The following IQCK variants were observed in gnomAD, a reference collection of about 807,000 sequenced individuals.
IQCK encodes IQ domain-containing protein K.
IQCK carries 29 observed loss-of-function variants against 28.1 expected under a neutral mutation model. The ratio of observed to expected loss-of-function variants is 1.03; its 90% CI spans 0.77 to 1.41. The LOEUF is 1.41. IQCK is among the 40% of genes most tolerant of loss of function. IQCK has a pLI of 0.00. For synonymous variants in IQCK, 113 were observed against 115.1 expected (o/e 0.98, Z 0.12); for missense variants, 359 against 314.7 (o/e 1.14, Z -1.07).
intron 7 of IQCK, among the ~76,000 whole-genome samples, chr16:19,801,865 ATAGT>A (rs969220925): frequency 6.2e-5 from 9 of 145,984 alleles, no homozygotes; most frequent in Admixed American, 5.3e-4. Context: ...TCTGGCCTAC[ATAGT>A]TAGATAGAAA....
At chr16:19,814,245 A>C (rs1454608905) in intron 7 of IQCK, among the ~76,000 whole-genome samples, 1 of 149,642 alleles carries the variant, frequency 6.7e-6, no homozygotes, top group Non-Finnish European at 1.5e-5. Flanking sequence ...AAAAAAAAAA[A>C]ACCACAAAAA....
At chr16:19,779,063 G>C (rs1009505528) in intron 6 of IQCK, among the ~76,000 whole-genome samples, 1 of 152,076 alleles carries the variant, frequency 6.6e-6, no homozygotes, top group Admixed American at 6.5e-5. Flanking sequence ...GCTCACTGCA[G>C]CCTCGAACTC....
intron 7 of IQCK, among the ~76,000 whole-genome samples, chr16:19,822,647 T>C (rs905485119): frequency 2.0e-5 from 3 of 152,046 alleles, no homozygotes; most frequent in African/African-American, 7.2e-5. Flanking sequence ...AGAGAGGCTA[T>C]GGAGACTACA....
chr16:19,805,673 C>G (rs1204460781), intron 7 of IQCK, among the ~76,000 whole-genome samples: 1 of 152,198 alleles, frequency 6.6e-6, no homozygotes, highest in Non-Finnish European at 1.5e-5. Context: ...TATACATTTA[C>G]ATCTTATAAC....
chr16:19,823,381 G>C (rs2056101689), intron 7 of IQCK, among the ~76,000 whole-genome samples: 1 of 152,090 alleles, frequency 6.6e-6, no homozygotes, highest in South Asian at 2.1e-4. Context: ...AGGCCTAGCA[G>C]GTTTCTATTT....
At chr16:19,727,491 G>T (rs1315613793) in intron 1 of IQCK, among the ~76,000 whole-genome samples, 1 of 151,780 alleles carries the variant, frequency 6.6e-6, no homozygotes, top group African/African-American at 2.4e-5. Flanking sequence ...GGAGGCTGAG[G>T]CAGGAGAATT....
At position 19,756,512 on chromosome 16, in the gene IQCK, T is replaced by A. The variant is rs547881667; in HGVS notation, c.475-7336T>A. ...TATGTTAATCTCATCTCCAGTGTGA[T>A]GATATTAGATGGTAGAGCCTTTGGG... On this transcript the variant is annotated intron_variant, in intron 4 of 7. Transcript: ENST00000564186. 1.4e-4 allele frequency among the ~76,000 whole-genome samples: 21 copies of A among 152,294 alleles called. No individual in the cohort carries two copies. The South Asian group carries it at 4.3e-3, about 32-fold the overall frequency.
intron 7 of IQCK, among the ~76,000 whole-genome samples, chr16:19,823,128 G>T (rs2056098689): frequency 6.6e-6 from 1 of 152,044 alleles, no homozygotes; most frequent in South Asian, 2.1e-4. Context: ...TTGAAACTTG[G>T]GAGCCCAGGC....
chr16:19,776,950 C>A (rs142767224), intron 6 of IQCK, among the ~76,000 whole-genome samples: 13 of 152,284 alleles, frequency 8.5e-5, no homozygotes, highest in African/African-American at 3.1e-4. Context: ...GTTTAAATTT[C>A]TATTTTGGCC....
In IQCK at chr16:19,807,554, T is replaced by G. The variant is rs554833075; in HGVS notation, c.690+18632T>G. ...TGGCATCTGGTTGGCATGCAGAATC[T>G]CAGGCCCCATCCAGACCTCCTGAAT... On this transcript the variant is annotated intron_variant, in intron 7 of 7. Transcript: ENST00000564186. 3.3e-5 allele frequency among the ~76,000 whole-genome samples: 5 copies of G among 152,314 alleles called. No homozygotes were observed. The East Asian group carries it at 7.7e-4, about 24-fold the overall frequency.
intron 6 of IQCK, among the ~76,000 whole-genome samples, chr16:19,784,970 T>C (rs891343723): frequency 6.6e-6 from 1 of 152,172 alleles, no homozygotes; most frequent in Non-Finnish European, 1.5e-5. Flanking sequence ...GGTTTCACCA[T>C]GTTGGCCAGG....
intron 6 of IQCK, among the ~76,000 whole-genome samples, chr16:19,779,357 T>C (rs1473369562): frequency 6.6e-6 from 1 of 151,748 alleles, no homozygotes; most frequent in African/African-American, 2.4e-5. Context: ...GAGAGAGGAG[T>C]CAAGAATGCA....
At chr16:19,836,324 A>G (rs1377728146) in intron 9 of IQCK, among the ~76,000 whole-genome samples, 1 of 152,170 alleles carries the variant, frequency 6.6e-6, no homozygotes, top group Non-Finnish European at 1.5e-5. Flanking sequence ...TATTTTTAGG[A>G]CTCACCAGTG....
At chr16:19,724,307 A>G (rs751144558) in intron 1 of IQCK, among the ~76,000 whole-genome samples, 3 of 152,100 alleles carry the variant, frequency 2.0e-5, no homozygotes, top group Non-Finnish European at 4.4e-5. Context: ...CTCTACAGCA[A>G]TACTTTCACT....
At chr16:19,777,974 A>G (rs1165677300) in intron 6 of IQCK, among the ~76,000 whole-genome samples, 2 of 151,984 alleles carry the variant, frequency 1.3e-5, no homozygotes, top group Non-Finnish European at 2.9e-5. Flanking sequence ...AATTGCTTCA[A>G]CCCGGGAGGC....
intron 6 of IQCK, among the ~76,000 whole-genome samples, chr16:19,766,278 G>C (rs552949632): frequency 6.6e-6 from 1 of 152,356 alleles, no homozygotes; most frequent in South Asian, 2.1e-4. Context: ...CTTGGGGTGG[G>C]GGGACATGTT....
intron 6 of IQCK, among the ~76,000 whole-genome samples, chr16:19,772,139 C>T (rs905638775): frequency 1.3e-5 from 2 of 152,176 alleles, no homozygotes; most frequent in African/African-American, 4.8e-5. Context: ...CAAGTGAAAG[C>T]ATTGTTTCCT....
exon 3 of IQCK, chr16:19,733,787 C>T (rs1240724523): frequency 6.2e-7 from 1 of 1,614,024 alleles, no homozygotes; most frequent in Non-Finnish European, 8.5e-7. Flanking sequence ...CACGTACACC[C>T]TGTCCTCAAG....
At chr16:19,766,786 C>G (rs1302933831) in intron 6 of IQCK, among the ~76,000 whole-genome samples, 1 of 152,196 alleles carries the variant, frequency 6.6e-6, no homozygotes, top group East Asian at 1.9e-4. Flanking sequence ...TTGAGAACCT[C>G]TGATTTAGTC....
Sources: allele counts gnomAD v4.1 joint callset (sites outside exome capture counted in the v4.1 genomes callset), GRCh38; gene constraint gnomAD v4.1.1; transcripts MANE v1.5; gene names NCBI Gene and HGNC (gene_info 2026-07-23, HGNC 2026-07-21).